The following EAPP variants were observed in gnomAD, a reference collection of about 807,000 sequenced individuals.
The protein encoded by EAPP is E2F-associated phosphoprotein.
Under a neutral mutation model 34.3 loss-of-function variants are expected in EAPP, and 38 were observed. The ratio of observed to expected loss-of-function variants is 1.11; its 90% confidence interval spans 0.85 to 1.45. The LOEUF (loss-of-function observed/expected upper bound fraction) is 1.45, where lower values mean the gene tolerates loss of function less well. Among genes scored for constraint, EAPP ranks in the 40% most tolerant of loss-of-function variants. The probability of loss-of-function intolerance (pLI) is 0.00; values close to 1 mark genes in which losing one functional copy is unlikely to be tolerated. For missense variants in EAPP, 338 were observed against 343.7 expected (o/e 0.98, Z 0.13); for synonymous variants, 113 against 117.6 (o/e 0.96, Z 0.25).
At chr14:34,519,845 C>CA (rs141797439) in intron 5 of EAPP, among the ~76,000 whole-genome samples, 28 of 142,322 alleles carry the variant, frequency 2.0e-4, no homozygotes, top group African/African-American at 2.3e-4. Context: ...CATGAAATCA[C>CA]AAAAAAAAAA....
intron 4 of EAPP, among the ~76,000 whole-genome samples, chr14:34,528,414 CCTTT>C (rs1196244010): frequency 1.5e-4 from 8 of 54,150 alleles, no homozygotes; most frequent in South Asian, 9.3e-4. Context: ...TCCACAAAAC[CCTTT>C]TTTTTTTTTT....
chr14:34,538,741 T>C (rs2138228691), intron 1 of EAPP, among the ~76,000 whole-genome samples: 1 of 152,316 alleles, frequency 6.6e-6, no homozygotes, highest in South Asian at 2.1e-4. Flanking sequence ...AAGCATGGCT[T>C]TACAGAAAGC....
At chr14:34,523,907 C>T (rs1410341608) in intron 5 of EAPP, among the ~76,000 whole-genome samples, 2 of 152,006 alleles carry the variant, frequency 1.3e-5, no homozygotes, top group African/African-American at 4.8e-5. Flanking sequence ...AGATTAGTCA[C>T]ACAGCACCAA....
chr14:34,536,689 C>T (rs1242733956), intron 1 of EAPP, among the ~76,000 whole-genome samples: 1 of 151,652 alleles, frequency 6.6e-6, no homozygotes, highest in African/African-American at 2.4e-5. Context: ...CGCCATGTTG[C>T]CCAGGATGGT....
In EAPP at chr14:34,535,471, C is replaced by G. The variant is rs555109278; in HGVS notation, c.256+623G>C. Among the ~76,000 whole-genome samples the G allele has an allele frequency of 7.1e-4, 101 of 141,542 alleles. 1 individual carries two copies. The highest frequency in any genetic ancestry group is 2.3e-3 in the African/African-American group (87 of 38,074). 92.9% of individuals were successfully genotyped at this position (141,542 alleles called of 152,430 possible). On this transcript the variant is annotated intron_variant, in intron 2 of 5. Transcript: ENST00000250454. ...TTTTTTAGATGGAGTCTCGCTCTGT[C>G]GCTCAGGCTGGAGTGCAGTGGCGTG...
chr14:34,522,507 T>C (rs1230280578), intron 5 of EAPP, among the ~76,000 whole-genome samples: 5 of 152,212 alleles, frequency 3.3e-5, no homozygotes, highest in African/African-American at 4.8e-5. Flanking sequence ...CATCTTTGTA[T>C]TGAAGGATTA....
chr14:34,525,307 C>G (rs752198233), intron 4 of EAPP, among the ~76,000 whole-genome samples: 2 of 151,980 alleles, frequency 1.3e-5, no homozygotes, highest in African/African-American at 4.8e-5. Flanking sequence ...TATGGTAAGG[C>G]GGGGTAAAAG....
At position 34,536,160 on chromosome 14, in the gene EAPP, C is replaced by G; in HGVS notation, c.190G>C (p.Glu64Gln). 6.2e-7 allele frequency: 1 copy of G among 1,613,134 alleles called. No homozygotes were observed. The highest frequency in any genetic ancestry group is 1.1e-5 in the South Asian group (1 of 90,748). Residue 64 changes from glutamate (E) to glutamine (Q), a missense_variant, in exon 2 of 6, where the codon GAG (glutamate) becomes CAG (glutamine). Glu to Gln is a conservative substitution (Grantham distance 29). Transcript: ENST00000250454. ...GTAGAATTTAATTCAGCTTCCATCT[C>G]CTTTTCAAATTCATCTTCACTAGAT... Reference protein sequence around the residue: ...ESSSEDEFEKEMEAELNSTMK... With the variant: ...ESSSEDEFEKQMEAELNSTMK...
At chr14:34,532,207 C>T (rs1049487939) in intron 3 of EAPP, among the ~76,000 whole-genome samples, 10 of 151,360 alleles carry the variant, frequency 6.6e-5, no homozygotes, top group East Asian at 2.0e-4. Flanking sequence ...CCAGTAATCC[C>T]GGCACTTTGG....
At chr14:34,521,302 C>T (rs1419041986) in intron 5 of EAPP, among the ~76,000 whole-genome samples, 3 of 151,958 alleles carry the variant, frequency 2.0e-5, no homozygotes, top group Non-Finnish European at 4.4e-5. Flanking sequence ...AACTGCTGAC[C>T]TCAGGTGATC....
At chr14:34,517,647 G>C (rs1282730432) in intron 5 of EAPP, among the ~76,000 whole-genome samples, 4 of 151,908 alleles carry the variant, frequency 2.6e-5, no homozygotes, top group Non-Finnish European at 5.9e-5. Flanking sequence ...TTTGTCAATT[G>C]TATCTTTTAA....
chr14:34,539,412 C>G, intron 1 of EAPP, 143 bp downstream of exon 1: 1 of 888,020 alleles, frequency 1.1e-6, no homozygotes, highest in South Asian at 1.4e-5. Flanking sequence ...TCAGGAAAGC[C>G]CTTTGGCTTC....
rs190467668 is a variant in EAPP at position 34,528,279 on chromosome 14, G to A, written c.470+1079C>T. On this transcript the variant is annotated intron_variant, in intron 4 of 5. Transcript: ENST00000250454. ...TTGAACTCCTGACTTCAAGTGATCC[G>A]CCCGCCTTGGCCTCCCAAAGTGCTG... Among the ~76,000 whole-genome samples, 16 of 151,624 alleles carry A rather than the reference G, an allele frequency of 1.1e-4. No individual in the cohort carries two copies. In the East Asian group the frequency reaches 2.3e-3, roughly 22 times the overall value.
chr14:34,525,033 C>A (rs1880050415), intron 4 of EAPP, among the ~76,000 whole-genome samples: 1 of 151,944 alleles, frequency 6.6e-6, no homozygotes, highest in Non-Finnish European at 1.5e-5. Flanking sequence ...GAAACAGGAG[C>A]CAACTGAACA....
intron 5 of EAPP, among the ~76,000 whole-genome samples, chr14:34,518,094 G>A (rs1235326364): frequency 6.6e-6 from 1 of 151,694 alleles, no homozygotes; most frequent in Non-Finnish European, 1.5e-5. Context: ...ATTAATGTTG[G>A]ATTTGGTCTG....
At chr14:34,537,015 T>C (rs772054676) in intron 1 of EAPP, among the ~76,000 whole-genome samples, 1 of 152,068 alleles carries the variant, frequency 6.6e-6, no homozygotes, top group Non-Finnish European at 1.5e-5. Flanking sequence ...TTTTTTATTA[T>C]TTTTTATTTT....
chr14:34,525,700 T>A (rs1279112519), intron 4 of EAPP, among the ~76,000 whole-genome samples: 1 of 152,076 alleles, frequency 6.6e-6, no homozygotes, highest in Non-Finnish European at 1.5e-5. Flanking sequence ...AAGGAAATGT[T>A]TTAAAATTAT....
At chr14:34,532,776 G>A (rs1217253140) in intron 3 of EAPP, among the ~76,000 whole-genome samples, 2 of 148,084 alleles carry the variant, frequency 1.4e-5, no homozygotes, top group Non-Finnish European at 1.5e-5. Context: ...CCTGGTTCAA[G>A]CAACTTCCCT....
intron 2 of EAPP, 87 bp from the exon 3 acceptor site, chr14:34,533,626 A>C: frequency 1.3e-6 from 1 of 780,674 alleles, no homozygotes; most frequent in Non-Finnish European, 2.1e-6. Flanking sequence ...ATCACCTCAA[A>C]ACAATATCAA....
Sources: gnomAD v4.1 joint callset for allele counts (sites outside exome capture counted in the v4.1 genomes callset) on GRCh38, gnomAD v4.1.1 for gene constraint, MANE v1.5 for transcripts, NCBI Gene and HGNC (gene_info 2026-07-23, HGNC 2026-07-21) for gene names.